The following RFX8 variants were observed in gnomAD, a reference collection of about 807,000 sequenced individuals.
The protein encoded by RFX8 is regulatory factor X8, also known as DNA-binding protein RFX8.
A neutral mutation model predicts 54.6 loss-of-function variants in RFX8; 46 were observed. The observed-to-expected ratio is 0.84, with a 90% CI of 0.67 to 1.08. The LOEUF (loss-of-function observed/expected upper bound fraction) is 1.08. Ranked by LOEUF, RFX8 falls within the 50% of genes least tolerant of loss-of-function variation. The pLI, the probability that RFX8 is intolerant of heterozygous loss-of-function variation, is 0.00. For missense variants in RFX8, 536 were observed against 562.3 expected (o/e 0.95, Z 0.47); for synonymous variants, 192 against 209.5 (o/e 0.92, Z 0.72).
intron 1 of RFX8, chr2:101,474,221 G>A: frequency 1.6e-6 from 1 of 626,208 alleles, no homozygotes; most frequent in South Asian, 1.7e-5. Flanking sequence ...ACGCCGCTGT[G>A]CGGGCCCCGG....
At chr2:101,461,392 GACA>G (rs1369372191) in intron 2 of RFX8, among the ~76,000 whole-genome samples, 1 of 152,042 alleles carries the variant, frequency 6.6e-6, no homozygotes, top group Non-Finnish European at 1.5e-5. Flanking sequence ...AACAGATTCT[GACA>G]ACTTCATCTC....
chr2:101,397,541 A>C lies in RFX8; in HGVS notation c.*7T>G. On this transcript the variant is annotated 3_prime_UTR_variant, in exon 12 of 12. Coordinates refer to ENST00000428343, the MANE Select transcript of RFX8 (RefSeq NM_001145664.2). ...AGTTTTCTTATTCTCTATTCAAATA[A>C]ATAATCTCACACATTAGCATTGTTT... is the stretch of plus-strand genomic sequence containing the variant. The C allele has an allele frequency of 6.6e-7, 1 of 1,511,678 alleles. No homozygotes were observed. The highest frequency in any genetic ancestry group is 1.3e-5 in the South Asian group (1 of 77,892). 93.6% of individuals were successfully genotyped at this position (1,511,678 alleles called of 1,614,324 possible).
chr2:101,424,668 C>T (rs1267780314), intron 2 of RFX8, among the ~76,000 whole-genome samples: 1 of 152,096 alleles, frequency 6.6e-6, no homozygotes, highest in Non-Finnish European at 1.5e-5. Context: ...ACATATACAC[C>T]ACGGAATACT....
intron 4 of RFX8, chr2:101,421,462 T>A: frequency 6.1e-6 from 7 of 1,155,118 alleles, no homozygotes; most frequent in Non-Finnish European, 7.5e-6. Context: ...ATCTAAAAAA[T>A]AGCTGAATTT....
intron 2 of RFX8, among the ~76,000 whole-genome samples, chr2:101,434,327 G>A (rs1302960431): frequency 1.3e-5 from 2 of 152,194 alleles, no homozygotes. Flanking sequence ...GGTCTTCTGT[G>A]TGTTGTGGTT....
intron 11 of RFX8, 48 bp from the exon 12 acceptor site, chr2:101,397,772 C>G: frequency 6.9e-7 from 1 of 1,455,008 alleles, no homozygotes; most frequent in Non-Finnish European, 9.2e-7. Context: ...GAGACAGATA[C>G]TATTCCTTGT....
chr2:101,467,720 AG>A (rs1461901872), intron 1 of RFX8, among the ~76,000 whole-genome samples: 1 of 151,840 alleles, frequency 6.6e-6, no homozygotes, highest in East Asian at 1.9e-4. Context: ...TTCACAGACC[AG>A]CCCCGGCCCC....
At chr2:101,425,621 A>G (rs1687126665) in intron 2 of RFX8, among the ~76,000 whole-genome samples, 2 of 48,238 alleles carry the variant, frequency 4.1e-5, no homozygotes, top group African/African-American at 1.9e-4. Context: ...GAGCAAATTC[A>G]TGATTTCCTG....
intron 1 of RFX8, among the ~76,000 whole-genome samples, chr2:101,468,512 A>G (rs1045193516): frequency 2.7e-5 from 4 of 150,050 alleles, no homozygotes; most frequent in Non-Finnish European, 4.4e-5. Context: ...CTGGTCTTGA[A>G]CTCCTGGGCT....
chr2:101,443,925 C>G (rs1195481624), intron 2 of RFX8, among the ~76,000 whole-genome samples: 1 of 152,076 alleles, frequency 6.6e-6, no homozygotes, highest in African/African-American at 2.4e-5. Flanking sequence ...CCTCCACGCT[C>G]CATACACCCA....
At chr2:101,399,765 G>A (rs941262220) in intron 11 of RFX8, among the ~76,000 whole-genome samples, 1 of 151,370 alleles carries the variant, frequency 6.6e-6, no homozygotes. Context: ...TTTGTCCAGT[G>A]TTCTATCTAA....
intron 1 of RFX8, chr2:101,474,389 C>G: frequency 2.6e-6 from 1 of 386,130 alleles, no homozygotes; most frequent in East Asian, 3.9e-5. Flanking sequence ...TAGAAAGGAG[C>G]GCGCGGGGGG....
intron 11 of RFX8, 97 bp downstream of exon 11, chr2:101,402,339 A>G (rs2104514037): frequency 9.2e-6 from 10 of 1,084,280 alleles, no homozygotes; most frequent in Middle Eastern, 2.7e-4. Context: ...ATCGTTTATC[A>G]TTGTTTGGAC....
intron 4 of RFX8, 23 bp from the exon 5 acceptor site, chr2:101,418,987 T>C (rs1686698650): frequency 9.7e-6 from 13 of 1,345,728 alleles, no homozygotes; most frequent in Non-Finnish European, 1.1e-5. Flanking sequence ...ACAGAGCATA[T>C]CGCCAAAACT....
intron 11 of RFX8, among the ~76,000 whole-genome samples, chr2:101,399,971 T>C (rs964586759): frequency 5.9e-5 from 9 of 152,198 alleles, no homozygotes; most frequent in African/African-American, 1.7e-4. Flanking sequence ...TAAATTCCTG[T>C]TCTCCCACTG....
At chr2:101,421,829 A>T in intron 3 of RFX8, 52 bp from the exon 4 acceptor site, 8 of 1,330,620 alleles carry the variant, frequency 6.0e-6, no homozygotes, top group Non-Finnish European at 7.3e-6. Flanking sequence ...TCAATAATGA[A>T]CTGATCTTCA....
At chr2:101,421,394 T>C in intron 4 of RFX8, 1 of 1,032,590 alleles carries the variant, frequency 9.7e-7, no homozygotes, top group Non-Finnish European at 1.2e-6. Flanking sequence ...TCGGCACCAT[T>C]GAAAATTCCA....
At chr2:101,446,797 G>A (rs1475364233) in intron 2 of RFX8, among the ~76,000 whole-genome samples, 3 of 145,342 alleles carry the variant, frequency 2.1e-5, no homozygotes, top group African/African-American at 7.7e-5. Context: ...TGACTGCTAG[G>A]TGCCAGGGGG....
At chr2:101,451,770 AC>A (rs1688696626) in intron 2 of RFX8, among the ~76,000 whole-genome samples, 1 of 151,956 alleles carries the variant, frequency 6.6e-6, no homozygotes, top group African/African-American at 2.4e-5. Flanking sequence ...AATTTTGTGA[AC>A]ACAGAAACTT....
Sources: allele counts gnomAD v4.1 joint callset (sites outside exome capture counted in the v4.1 genomes callset), GRCh38; gene constraint gnomAD v4.1.1; transcripts MANE v1.5; gene names NCBI Gene and HGNC (gene_info 2026-07-23, HGNC 2026-07-21).